CSMD1: variants seen among roughly 807,000 people sequenced by gnomAD.
CSMD1 encodes CUB and Sushi multiple domains 1, also known as CUB and sushi domain-containing protein 1.
Under a neutral mutation model 417.5 loss-of-function variants are expected in CSMD1, and 213 were observed. The observed-to-expected ratio is 0.51, with a 90% CI of 0.46 to 0.57. CSMD1 has a LOEUF of 0.57. CSMD1 is among the 20% of genes least tolerant of loss of function. The pLI, the probability that CSMD1 is intolerant of heterozygous loss-of-function variation, is 0.00. For synonymous variants in CSMD1, 2,862 were observed against 1,736.8 expected, an observed-to-expected ratio of 1.65 and a Z score of -16.11; for missense variants, 6,923 against 4,529.7, an observed-to-expected ratio of 1.53 and a Z score of -15.17.
At chr8:3,623,654 A>C (rs1393416438) in intron 7 of CSMD1, among the ~76,000 whole-genome samples, 1 of 152,160 alleles carries the variant, frequency 6.6e-6, no homozygotes, top group Non-Finnish European at 1.5e-5. Flanking sequence ...TTTTATAAGA[A>C]AGAAAACTGA....
chr8:3,319,896 G>A (rs1346870572), intron 23 of CSMD1, among the ~76,000 whole-genome samples: 1 of 152,058 alleles, frequency 6.6e-6, no homozygotes, highest in Non-Finnish European at 1.5e-5. Context: ...TCAAATTGAT[G>A]ACTCATTAAA....
chr8:3,894,023 A>G (rs796760994), intron 5 of CSMD1, among the ~76,000 whole-genome samples: 17 of 152,018 alleles, frequency 1.1e-4, no homozygotes, highest in African/African-American at 3.6e-4. Context: ...AACTCCCATA[A>G]AGGGAGTCTC....
chr8:3,747,030 T>C (rs1797095945), intron 6 of CSMD1, among the ~76,000 whole-genome samples: 1 of 152,202 alleles, frequency 6.6e-6, no homozygotes, highest in Non-Finnish European at 1.5e-5. Context: ...TTCATAAAAA[T>C]AACTCACTAT....
At chr8:4,462,791 C>A (rs965302014) in intron 2 of CSMD1, among the ~76,000 whole-genome samples, 1 of 150,070 alleles carries the variant, frequency 6.7e-6, no homozygotes, top group Non-Finnish European at 1.5e-5. Context: ...AAGAGGGTAC[C>A]CCTTCCTTAC....
chr8:3,565,476 G>A (rs1442819142), intron 10 of CSMD1, among the ~76,000 whole-genome samples: 1 of 152,130 alleles, frequency 6.6e-6, no homozygotes, highest in Non-Finnish European at 1.5e-5. Context: ...AAAGTCTACT[G>A]AACCATATCT....
intron 3 of CSMD1, among the ~76,000 whole-genome samples, chr8:4,238,822 C>G (rs976067756): frequency 6.6e-6 from 1 of 152,172 alleles, no homozygotes; most frequent in African/African-American, 2.4e-5. Flanking sequence ...TTGGCCCACA[C>G]TCAAAGTCAT....
At chr8:3,321,670 G>A (rs900665556) in intron 23 of CSMD1, among the ~76,000 whole-genome samples, 7 of 151,908 alleles carry the variant, frequency 4.6e-5, no homozygotes, top group Admixed American at 2.0e-4. Context: ...TTTAACTGGT[G>A]CTTATTTTAA....
At chr8:4,080,669 A>C (rs1444529373) in intron 3 of CSMD1, among the ~76,000 whole-genome samples, 1 of 152,210 alleles carries the variant, frequency 6.6e-6, no homozygotes, top group Non-Finnish European at 1.5e-5. Context: ...AAAGTAACAG[A>C]ATCACTGAAA....
At chr8:4,756,228 T>C (rs966640046) in intron 1 of CSMD1, among the ~76,000 whole-genome samples, 4 of 152,216 alleles carry the variant, frequency 2.6e-5, no homozygotes, top group African/African-American at 7.2e-5. Flanking sequence ...TAGGGCATCA[T>C]GATGATGAAA....
chr8:4,466,029 A>C (rs111752702), intron 2 of CSMD1, among the ~76,000 whole-genome samples: 26 of 152,234 alleles, frequency 1.7e-4, no homozygotes, highest in Admixed American at 3.9e-4. Context: ...TTGGATTGAC[A>C]AATTACTTTT....
intron 6 of CSMD1, among the ~76,000 whole-genome samples, chr8:3,715,554 G>C (rs1260205677): frequency 6.6e-6 from 1 of 151,826 alleles, no homozygotes; most frequent in African/African-American, 2.4e-5. Context: ...TTTAGTTTTA[G>C]CTTTTTGAGA....
intron 3 of CSMD1, among the ~76,000 whole-genome samples, chr8:4,340,024 C>A (rs927949213): frequency 1.3e-5 from 2 of 151,920 alleles, no homozygotes; most frequent in African/African-American, 4.8e-5. Flanking sequence ...GCACTTCTAG[C>A]GAAAATTATG....
At chr8:4,580,679 C>T (rs777867170) in intron 2 of CSMD1, among the ~76,000 whole-genome samples, 9 of 152,246 alleles carry the variant, frequency 5.9e-5, no homozygotes, top group South Asian at 2.1e-4. Flanking sequence ...AAATGCACCG[C>T]GTCTTCCAAG....
chr8:3,083,652 T>A (rs867115816), intron 49 of CSMD1, among the ~76,000 whole-genome samples: 214 of 26,690 alleles, frequency 8.0e-3, no homozygotes, highest in East Asian at 0.017. Flanking sequence ...ATATATATTT[T>A]TTTTTTTTTT....
At chr8:3,136,602 C>G (rs7822902) in intron 41 of CSMD1, among the ~76,000 whole-genome samples, 104,761 of 151,894 alleles carry the variant, frequency 0.69, 37,170 homozygotes, top group African/African-American at 0.84. Context: ...GGAAGAGATG[C>G]AGTGAATAGA....
intron 3 of CSMD1, among the ~76,000 whole-genome samples, chr8:4,307,601 C>T (rs539968971): frequency 6.6e-6 from 1 of 152,290 alleles, no homozygotes; most frequent in African/African-American, 2.4e-5. Context: ...TCTGTACCCA[C>T]CCAACTTGTG....
chr8:3,570,767 G>A (rs1799910067), intron 10 of CSMD1, among the ~76,000 whole-genome samples: 1 of 152,146 alleles, frequency 6.6e-6, no homozygotes, highest in South Asian at 2.1e-4. Context: ...TTTATTTATG[G>A]TGGAAAGCAA....
At chr8:4,411,356 T>TTC (rs1796641092) in intron 3 of CSMD1, among the ~76,000 whole-genome samples, 1 of 152,106 alleles carries the variant, frequency 6.6e-6, no homozygotes, top group South Asian at 2.1e-4. Flanking sequence ...GCACCTTGAT[T>TTC]TCTTACATTA....
chr8:4,856,539 C>T (rs1259526846), intron 1 of CSMD1, among the ~76,000 whole-genome samples: 5 of 137,818 alleles, frequency 3.6e-5, no homozygotes, highest in East Asian at 4.3e-4. Context: ...TGCAGAGACA[C>T]ACATAGGCTC....
Sources: gnomAD v4.1 joint callset for allele counts (sites outside exome capture counted in the v4.1 genomes callset) on GRCh38, gnomAD v4.1.1 for gene constraint, MANE v1.5 for transcripts, NCBI Gene and HGNC (gene_info 2026-07-23, HGNC 2026-07-21) for gene names.